The following CPNE4 variants were observed in gnomAD, a reference collection of about 807,000 sequenced individuals.
CPNE4 encodes copine-4.
Under a neutral mutation model 67.9 loss-of-function variants are expected in CPNE4, and 25 were observed. The observed-to-expected ratio is 0.37, with a 90% CI of 0.27 to 0.51. The LOEUF (loss-of-function observed/expected upper bound fraction) is 0.51, where lower values mean the gene tolerates loss of function less well. CPNE4 is among the 20% of genes least tolerant of loss of function. The pLI, the probability that CPNE4 is intolerant of heterozygous loss-of-function variation, is 0.93. For missense variants in CPNE4, 464 were observed against 690.8 expected (o/e 0.67, Z 3.68); for synonymous variants, 242 against 244.9 (o/e 0.99, Z 0.11).
chr3:131,940,777 A>T (rs1220269967), intron 1 of CPNE4, among the ~76,000 whole-genome samples: 1 of 152,122 alleles, frequency 6.6e-6, no homozygotes, highest in Non-Finnish European at 1.5e-5. Flanking sequence ...AGGTTTTGTG[A>T]CCAGGAACAC....
At chr3:131,564,916 C>T (rs1936976353) in intron 10 of CPNE4, among the ~76,000 whole-genome samples, 1 of 152,012 alleles carries the variant, frequency 6.6e-6, no homozygotes, top group African/African-American at 2.4e-5. Context: ...GGTTCTCGTT[C>T]ATGTAAGAAC....
intron 2 of CPNE4, among the ~76,000 whole-genome samples, chr3:131,873,761 A>T (rs972317157): frequency 1.3e-5 from 2 of 152,178 alleles, no homozygotes; most frequent in African/African-American, 4.8e-5. Context: ...TCACAGTGTG[A>T]TAAGAGATGC....
chr3:131,823,394 T>C (rs2085036211), intron 2 of CPNE4, among the ~76,000 whole-genome samples: 1 of 152,164 alleles, frequency 6.6e-6, no homozygotes, highest in Non-Finnish European at 1.5e-5. Flanking sequence ...CCTTCCATGA[T>C]AGAAATGCCA....
chr3:131,815,458 G>C (rs958946615), intron 2 of CPNE4, among the ~76,000 whole-genome samples: 2 of 152,182 alleles, frequency 1.3e-5, no homozygotes, highest in Non-Finnish European at 2.9e-5. Flanking sequence ...GAGGGAGCAG[G>C]ATACAGGCAG....
intron 5 of CPNE4, among the ~76,000 whole-genome samples, chr3:131,693,209 A>G (rs2081069563): frequency 6.6e-6 from 1 of 152,158 alleles, no homozygotes; most frequent in Non-Finnish European, 1.5e-5. Flanking sequence ...GTGCTTTCCC[A>G]TATACCCTAT....
intron 2 of CPNE4, among the ~76,000 whole-genome samples, chr3:131,766,517 A>G (rs756326372): frequency 6.6e-6 from 1 of 152,128 alleles, no homozygotes; most frequent in Non-Finnish European, 1.5e-5. Context: ...ATTTCCGGCT[A>G]CCAATTTGAA....
chr3:131,650,744 C>CAAAAAAAAAAAAAAAAAAAAAAA (rs141219633), intron 7 of CPNE4, among the ~76,000 whole-genome samples: 1 of 61,196 alleles, frequency 1.6e-5, no homozygotes, highest in African/African-American at 8.7e-5. Context: ...GACTCCGTCT[C>CAAAAAAAAAAAAAAAAAAAAAAA]AAAAAAAAAA....
At chr3:131,988,613 A>C (rs1329915866) in intron 1 of CPNE4, among the ~76,000 whole-genome samples, 1 of 152,166 alleles carries the variant, frequency 6.6e-6, no homozygotes, top group Non-Finnish European at 1.5e-5. Flanking sequence ...GATGACTTTG[A>C]GTGTTCTCAC....
intron 7 of CPNE4, among the ~76,000 whole-genome samples, chr3:131,605,460 TAA>T (rs956025586): frequency 2.6e-5 from 4 of 152,088 alleles, no homozygotes; most frequent in Admixed American, 1.3e-4. Flanking sequence ...ACTATTTTTA[TAA>T]AGTCAATCCA....
intron 7 of CPNE4, among the ~76,000 whole-genome samples, chr3:131,643,850 G>A (rs1251642158): frequency 6.6e-6 from 1 of 152,098 alleles, no homozygotes; most frequent in Non-Finnish European, 1.5e-5. Context: ...CTGCCGCCAT[G>A]TGAAGAAGGA....
At chr3:131,683,499 T>G (rs1250156589) in intron 6 of CPNE4, among the ~76,000 whole-genome samples, 1 of 152,180 alleles carries the variant, frequency 6.6e-6, no homozygotes, top group Non-Finnish European at 1.5e-5. Context: ...GTATCCAAGT[T>G]GCAAGACAAA....
chr3:131,696,330 C>T (rs2081156557), intron 5 of CPNE4, among the ~76,000 whole-genome samples: 1 of 152,156 alleles, frequency 6.6e-6, no homozygotes, highest in African/African-American at 2.4e-5. Flanking sequence ...GTCTTGGTGT[C>T]ATAGAATTGT....
intron 2 of CPNE4, among the ~76,000 whole-genome samples, chr3:131,759,161 A>G (rs927325908): frequency 6.6e-6 from 1 of 152,132 alleles, no homozygotes; most frequent in Non-Finnish European, 1.5e-5. Context: ...TGCCTTACAC[A>G]GGTCATTGGG....
At chr3:131,938,978 A>G (rs1212243516) in intron 1 of CPNE4, among the ~76,000 whole-genome samples, 3 of 152,184 alleles carry the variant, frequency 2.0e-5, no homozygotes, top group African/African-American at 7.2e-5. Context: ...AAACTTGTCA[A>G]TATAGCTTGC....
chr3:131,742,196 A>G (rs542848837), intron 2 of CPNE4, among the ~76,000 whole-genome samples: 1 of 152,306 alleles, frequency 6.6e-6, no homozygotes, highest in South Asian at 2.1e-4. Flanking sequence ...GCCTTCTCCA[A>G]TGGGGTCAGG....
chr3:131,883,639 T>C (rs9864970), intron 2 of CPNE4, among the ~76,000 whole-genome samples: 43,825 of 152,166 alleles, frequency 0.29, 7,386 homozygotes, highest in Non-Finnish European at 0.37. Context: ...GCTGCCTCTA[T>C]GAGATCATTT....
chr3:131,587,625 T>C, intron 7 of CPNE4, 43 bp from the exon 8 acceptor site: 1 of 1,401,046 alleles, frequency 7.1e-7, no homozygotes, highest in Non-Finnish European at 1.0e-6. Flanking sequence ...ATTAAGAATG[T>C]AGCCACAGCA....
rs758601405 is a variant in CPNE4, at chr3:131,869,008, C to T, written c.180+36256G>A. 1.3e-4 allele frequency among the ~76,000 whole-genome samples: 20 copies of T among 152,234 alleles called. 1 individual carries two copies. The South Asian group carries it at 1.7e-3, about 13-fold the overall frequency. ...TTAGGCAAATGATCAAAAAGTACCA[C>T]GTTACCAAGGTTGCTGTGAGGTGCA... On this transcript the variant is annotated intron_variant, in intron 2 of 15. Coordinates refer to ENST00000429747, the MANE Select transcript of CPNE4 (RefSeq NM_130808.3).
chr3:132,015,867 T>C (rs2073879340), intron 1 of CPNE4, among the ~76,000 whole-genome samples: 1 of 152,204 alleles, frequency 6.6e-6, no homozygotes, highest in African/African-American at 2.4e-5. Context: ...TGCAAGTCAT[T>C]TCCATAAAAG....
Sources: allele counts gnomAD v4.1 joint callset (sites outside exome capture counted in the v4.1 genomes callset), GRCh38; gene constraint gnomAD v4.1.1; transcripts MANE v1.5; gene names NCBI Gene and HGNC (gene_info 2026-07-23, HGNC 2026-07-21).